Variants in ADAMTS3 observed in about 807,000 individuals in gnomAD.
The protein encoded by ADAMTS3 is ADAM metallopeptidase with thrombospondin type 1 motif 3, also known as A disintegrin and metalloproteinase with thrombospondin motifs 3.
A neutral mutation model predicts 129.0 loss-of-function variants in ADAMTS3; 73 were observed. The observed-to-expected ratio is 0.57, with a 90% CI of 0.47 to 0.69. The LOEUF (loss-of-function observed/expected upper bound fraction) is 0.69, where lower values mean the gene tolerates loss of function less well. Ranked by LOEUF, ADAMTS3 falls within the 30% of genes least tolerant of loss-of-function variation. The pLI, the probability that ADAMTS3 is intolerant of heterozygous loss-of-function variation, is 0.00. For synonymous variants in ADAMTS3, 477 were observed against 510.8 expected (o/e 0.93, Z 0.89); for missense variants, 1,457 against 1,514.5 (o/e 0.96, Z 0.63).
In ADAMTS3 at chr4:72,386,983, T is replaced by A. The variant is rs116608379; in HGVS notation, c.661+27832A>T. Among the ~76,000 whole-genome samples the A allele has an allele frequency of 3.3e-3, 499 of 152,338 alleles. 3 individuals are homozygous for A. Among genetic ancestry groups the A allele is most frequent in the Non-Finnish European group, 4.8e-3 (329 of 68,020 alleles). On this transcript the variant is annotated intron_variant, in intron 4 of 21. Transcript: ENST00000286657. ...ATTAGAGTTAATTTACATAAATAAA[T>A]GCTCTTTTCAATAGCTAAGACTATC...
intron 3 of ADAMTS3, among the ~76,000 whole-genome samples, chr4:72,425,282 A>G (rs1722542500): frequency 6.6e-6 from 1 of 152,154 alleles, no homozygotes; most frequent in Non-Finnish European, 1.5e-5. Context: ...CACACTGTCC[A>G]ATGGTCACAA....
chr4:72,549,973 A>G (rs1157051656), intron 2 of ADAMTS3, among the ~76,000 whole-genome samples: 4 of 29,564 alleles, frequency 1.4e-4, no homozygotes, highest in African/African-American at 8.9e-4. Context: ...AAGAAGAAGA[A>G]GAAGAAGAAG....
chr4:72,545,455 A>G (rs752665086), intron 3 of ADAMTS3, among the ~76,000 whole-genome samples: 16 of 152,172 alleles, frequency 1.1e-4, no homozygotes, highest in Admixed American at 3.3e-4. Context: ...AGTCAACAGT[A>G]GTTCTTCCAG....
intron 3 of ADAMTS3, among the ~76,000 whole-genome samples, chr4:72,456,892 G>C (rs1578697777): frequency 6.6e-6 from 1 of 151,626 alleles, no homozygotes. Context: ...AGGATTAAAA[G>C]ACAAAAGAAA....
At chr4:72,477,719 CA>C (rs1217033333) in intron 3 of ADAMTS3, among the ~76,000 whole-genome samples, 1 of 151,738 alleles carries the variant, frequency 6.6e-6, no homozygotes, top group African/African-American at 2.4e-5. Flanking sequence ...AATAGAGACA[CA>C]AAAAACCCTT....
chr4:72,543,676 G>A (rs1356733276), intron 3 of ADAMTS3, among the ~76,000 whole-genome samples: 2 of 152,112 alleles, frequency 1.3e-5, no homozygotes, highest in Non-Finnish European at 2.9e-5. Flanking sequence ...CAAAATTGTA[G>A]AGACAGTAGA....
chr4:72,494,207 T>A (rs578040385), intron 3 of ADAMTS3, among the ~76,000 whole-genome samples: 1 of 152,162 alleles, frequency 6.6e-6, no homozygotes, highest in Non-Finnish European at 1.5e-5. Context: ...ACTCTCAAAA[T>A]GCATATTTTA....
At chr4:72,531,407 T>C (rs1032593363) in intron 3 of ADAMTS3, among the ~76,000 whole-genome samples, 5 of 152,262 alleles carry the variant, frequency 3.3e-5, no homozygotes, top group African/African-American at 7.2e-5. Context: ...AATATACATA[T>C]GATTCTGGAG....
chr4:72,381,463 T>C (rs998158001), intron 4 of ADAMTS3, among the ~76,000 whole-genome samples: 10 of 152,122 alleles, frequency 6.6e-5, no homozygotes, highest in Non-Finnish European at 1.5e-4. Flanking sequence ...ATAATCTACA[T>C]GGATCAGGTC....
intron 3 of ADAMTS3, among the ~76,000 whole-genome samples, chr4:72,542,169 G>C (rs1482027468): frequency 2.4e-5 from 2 of 82,564 alleles, no homozygotes; most frequent in African/African-American, 1.4e-4. Context: ...TATTTGTTTT[G>C]TTTTCTTTGT....
intron 3 of ADAMTS3, among the ~76,000 whole-genome samples, chr4:72,526,547 A>G (rs1720811334): frequency 7.0e-6 from 1 of 142,500 alleles, no homozygotes; most frequent in Admixed American, 7.5e-5. Context: ...ATTAGTAATT[A>G]ATAAAATATA....
At position 72,516,301 on chromosome 4, in the gene ADAMTS3, G is replaced by A. The variant is rs183294607; in HGVS notation, c.504+32177C>T. Among the ~76,000 whole-genome samples the A allele has an allele frequency of 6.5e-3, 991 of 152,196 alleles. 11 individuals carry two copies. The highest frequency in any genetic ancestry group is 8.3e-3 in the Non-Finnish European group (563 of 67,996). ...CTCCAGCTTCGTTCTTTTAGCTTAG[G>A]ATTGACTTGGCAATGCGGGCTCTTT... On this transcript the variant is annotated intron_variant, in intron 3 of 21. Coordinates refer to ENST00000286657, the MANE Select transcript of ADAMTS3 (RefSeq NM_014243.3).
intron 4 of ADAMTS3, among the ~76,000 whole-genome samples, chr4:72,391,339 G>A (rs541686457): frequency 6.6e-6 from 1 of 152,318 alleles, no homozygotes; most frequent in Non-Finnish European, 1.5e-5. Context: ...CTACAGAGTT[G>A]AGAGATGGAG....
intron 4 of ADAMTS3, among the ~76,000 whole-genome samples, chr4:72,343,809 T>A (rs150078758): frequency 4.7e-4 from 72 of 152,278 alleles, no homozygotes; most frequent in African/African-American, 1.6e-3. Context: ...ATCTCATGCA[T>A]CATTCCAAAA....
chr4:72,472,653 C>T (rs553975014), intron 3 of ADAMTS3, among the ~76,000 whole-genome samples: 1 of 152,192 alleles, frequency 6.6e-6, no homozygotes, highest in South Asian at 2.1e-4. Context: ...CTTCTTTCAC[C>T]TTGCAGTTCT....
chr4:72,309,250 TCC>T, intron 15 of ADAMTS3, 145 bp downstream of exon 15: 9 of 738,018 alleles, frequency 1.2e-5, no homozygotes, highest in Middle Eastern at 4.2e-4. Context: ...TTTTTTAAGT[TCC>T]TTAAAAGGTA....
At chr4:72,355,901 T>C (rs1720570105) in intron 4 of ADAMTS3, among the ~76,000 whole-genome samples, 1 of 152,042 alleles carries the variant, frequency 6.6e-6, no homozygotes, top group Non-Finnish European at 1.5e-5. Flanking sequence ...AGGCTTATGA[T>C]TTGTGGAAAT....
intron 4 of ADAMTS3, among the ~76,000 whole-genome samples, chr4:72,372,796 A>G (rs1168964953): frequency 6.6e-6 from 1 of 152,130 alleles, no homozygotes; most frequent in Non-Finnish European, 1.5e-5. Context: ...GCTATTGAGG[A>G]AAAAAATAGG....
intron 10 of ADAMTS3, among the ~76,000 whole-genome samples, chr4:72,318,028 CAA>C (rs1252397421): frequency 9.7e-5 from 12 of 123,084 alleles, no homozygotes; most frequent in Admixed American, 8.5e-5. Flanking sequence ...GACTCCGTCT[CAA>C]AAAAAAAAAA....
Sources: allele counts gnomAD v4.1 joint callset (sites outside exome capture counted in the v4.1 genomes callset), GRCh38; gene constraint gnomAD v4.1.1; transcripts MANE v1.5; gene names NCBI Gene and HGNC (gene_info 2026-07-23, HGNC 2026-07-21).